LOC400499: variants seen among roughly 807,000 people sequenced by gnomAD.
chr16:11,453,797 A>G, the LOC400499 span, among the ~76,000 whole-genome samples: 1 of 152,026 alleles, frequency 6.6e-6, no homozygotes, highest in Non-Finnish European at 1.5e-5. Context: ...CTGAGACCCC[A>G]TTCTCCAAAA....
the LOC400499 span, among the ~76,000 whole-genome samples, chr16:11,495,859 A>G: frequency 6.6e-6 from 1 of 152,162 alleles, no homozygotes. Context: ...TATAGATAGA[A>G]CTGAGACTTA....
At chr16:11,490,241 C>T in the LOC400499 span, among the ~76,000 whole-genome samples, 2 of 151,740 alleles carry the variant, frequency 1.3e-5, no homozygotes, top group African/African-American at 4.8e-5. Context: ...TAAAAGAATA[C>T]AAAAATTAGC....
At chr16:11,499,491 AT>A in the LOC400499 span, among the ~76,000 whole-genome samples, 1 of 151,978 alleles carries the variant, frequency 6.6e-6, no homozygotes, top group Non-Finnish European at 1.5e-5. Flanking sequence ...TTGGGACCCA[AT>A]CTGGGCCTGG....
chr16:11,407,970 G>GTTTTTTTTTTTTTTT, the LOC400499 span, among the ~76,000 whole-genome samples: 10 of 63,456 alleles, frequency 1.6e-4, 1 homozygote, highest in African/African-American at 5.9e-4. Flanking sequence ...TTCCAGAGCT[G>GTTTTTTTTTTTTTTT]TTTTTTTTTT....
the LOC400499 span, chr16:11,476,784 G>A: frequency 3.8e-4 from 151 of 399,248 alleles, no homozygotes; most frequent in African/African-American, 2.6e-3. Flanking sequence ...GCAGCTCCAC[G>A]GCCTCCTCAG....
chr16:11,379,823 T>G, the LOC400499 span, among the ~76,000 whole-genome samples: 7 of 152,282 alleles, frequency 4.6e-5, no homozygotes, highest in Non-Finnish European at 8.8e-5. Flanking sequence ...GTTCTGTAGA[T>G]ATGTTGTCAT....
chr16:11,509,617 G>C, the LOC400499 span, among the ~76,000 whole-genome samples: 1 of 151,324 alleles, frequency 6.6e-6, no homozygotes, highest in Non-Finnish European at 1.5e-5. Context: ...GATCACCCGA[G>C]GTCAGGAGTT....
the LOC400499 span, among the ~76,000 whole-genome samples, chr16:11,512,327 G>A: frequency 2.6e-5 from 4 of 151,752 alleles, no homozygotes. Flanking sequence ...GGCCTGGCAC[G>A]GTGGCTCACG....
chr16:11,486,192 T>C, the LOC400499 span, among the ~76,000 whole-genome samples: 1 of 96,806 alleles, frequency 1.0e-5, no homozygotes, highest in Non-Finnish European at 2.0e-5. Context: ...GGATAAATGA[T>C]GGGTGGGTGG....
chr16:11,448,907 C>T, the LOC400499 span: 1 of 1,458,130 alleles, frequency 6.9e-7, no homozygotes, highest in South Asian at 1.3e-5. Context: ...CACGGGCCTC[C>T]TGGGTTCTTA....
chr16:11,485,628 C>T, the LOC400499 span, among the ~76,000 whole-genome samples: 3 of 152,184 alleles, frequency 2.0e-5, no homozygotes, highest in Admixed American at 2.0e-4. Context: ...CCATCTGCCT[C>T]TCCACCTTCC....
the LOC400499 span, chr16:11,383,769 T>C: frequency 1.7e-5 from 21 of 1,231,982 alleles, no homozygotes; most frequent in Non-Finnish European, 1.9e-5. Flanking sequence ...GGCTGAGGAA[T>C]GGTGTAGGGT....
chr16:11,518,817 C>T, the LOC400499 span: 9 of 398,770 alleles, frequency 2.3e-5, no homozygotes, highest in South Asian at 1.3e-4. Context: ...ACCCAGAGCC[C>T]GACAGCTGTT....
chr16:11,506,314 T>C, the LOC400499 span, among the ~76,000 whole-genome samples: 1 of 152,214 alleles, frequency 6.6e-6, no homozygotes, highest in Non-Finnish European at 1.5e-5. Context: ...CATGAGCCAC[T>C]GAGCCTGGCC....
the LOC400499 span, among the ~76,000 whole-genome samples, chr16:11,499,111 A>G: frequency 0.62 from 3,987 of 6,450 alleles, 1,576 homozygotes; most frequent in Middle Eastern, 1. Context: ...GAAAGGGGGC[A>G]AAGAGAGGAA....
chr16:11,391,105 G>T, the LOC400499 span, among the ~76,000 whole-genome samples: 1 of 152,328 alleles, frequency 6.6e-6, no homozygotes, highest in East Asian at 1.9e-4. Context: ...GTGGTCACAG[G>T]AACACTCTGG....
the LOC400499 span, among the ~76,000 whole-genome samples, chr16:11,508,549 T>C: frequency 1.3e-5 from 2 of 152,218 alleles, no homozygotes; most frequent in Non-Finnish European, 2.9e-5. Context: ...TTTCCTTGCT[T>C]CTGCAACCAG....
At chr16:11,508,833 T>G in the LOC400499 span, 2 of 399,094 alleles carry the variant, frequency 5.0e-6, no homozygotes, top group Non-Finnish European at 8.8e-6. Flanking sequence ...GGGTCATGTC[T>G]TCATCGTCTC....
the LOC400499 span, among the ~76,000 whole-genome samples, chr16:11,396,957 T>C: frequency 5.9e-5 from 9 of 152,230 alleles, 1 homozygote; most frequent in East Asian, 1.7e-3. Flanking sequence ...CTTAGGCCCC[T>C]TCCCTCTGCA....
Sources: allele counts gnomAD v4.1 joint callset (sites outside exome capture counted in the v4.1 genomes callset), GRCh38; gene constraint gnomAD v4.1.1; transcripts MANE v1.5.